Variants in UTRN observed in about 807,000 individuals in gnomAD.
UTRN encodes dystrophin-related protein 1.
Under a neutral mutation model 463.9 loss-of-function variants are expected in UTRN, and 283 were observed. The ratio of observed to expected loss-of-function variants is 0.61; its 90% CI spans 0.55 to 0.67. The LOEUF is 0.67. UTRN is among the 30% of genes least tolerant of loss of function. The pLI is 0.00. For missense variants in UTRN, 3,922 were observed against 4,084.3 expected (o/e 0.96, Z 1.08); for synonymous variants, 1,442 against 1,431.5 (o/e 1.01, Z -0.17).
At chr6:144,799,843 C>T (rs1189657166) in intron 64 of UTRN, among the ~76,000 whole-genome samples, 1 of 152,146 alleles carries the variant, frequency 6.6e-6, no homozygotes, top group Non-Finnish European at 1.5e-5. Flanking sequence ...AAATCCAGAA[C>T]CCTTTGGTTT....
intron 55 of UTRN, 151 bp downstream of exon 55, chr6:144,748,665 C>A: frequency 1.9e-6 from 2 of 1,033,548 alleles, no homozygotes; most frequent in Non-Finnish European, 1.4e-6. Context: ...AGGACAGGTG[C>A]TTTCCATATG....
Position 144,285,729 on chromosome 6 carries a change from G to T in UTRN, c.-185G>T, listed in dbSNP as rs1158494681. The stretch of plus-strand genomic sequence containing the variant: ...CAAACTAACACTCGCACACACCCCC[G>T]CGGTTACTCCGTGTCAAACTCCTAG... On this transcript the variant is annotated 5_prime_UTR_variant, in exon 1 of 75. Transcript: ENST00000367545. 6.6e-6 allele frequency: 1 copy of T among 151,678 alleles called. No homozygotes were observed. Among genetic ancestry groups the T allele is most frequent in the East Asian group, 1.9e-4 (1 of 5,150 alleles). 9.4% of individuals were successfully genotyped at this position (151,678 alleles called of 1,614,324 possible).
chr6:144,330,630 T>G lies in UTRN; in HGVS notation c.79+38723T>G, dbSNP rs367753373. Among the ~76,000 whole-genome samples the G allele has an allele frequency of 7.7e-4, 117 of 152,328 alleles. 4 individuals carry two copies. The South Asian group carries it at 0.022, about 29-fold the overall frequency. ...ACCAAGCAGTTTCAACAGTGGTGTT[T>G]GTAGAAATGCATACCTTGCTGTTCC... On this transcript the variant is annotated intron_variant, in intron 2 of 74. Coordinates refer to ENST00000367545, the MANE Select transcript of UTRN (RefSeq NM_007124.3).
rs1474224890 is a variant in UTRN, at chr6:144,648,288, G to A, written c.7480-30118G>A. On this transcript the variant is annotated intron_variant, in intron 51 of 74. Transcript: ENST00000367545. ...TATTTTTCAATTATAGTGCAAGGAC[G>A]AGCAGTTTACCCTAATATCCATTTC... is the stretch of plus-strand genomic sequence containing the variant. Among the ~76,000 whole-genome samples the A allele has an allele frequency of 2.6e-5, 4 of 152,234 alleles. No individual in the cohort carries two copies. The South Asian group carries it at 8.3e-4, about 32-fold the overall frequency.
At chr6:144,646,863 T>A (rs1419755811) in intron 51 of UTRN, among the ~76,000 whole-genome samples, 1 of 152,200 alleles carries the variant, frequency 6.6e-6, no homozygotes, top group Non-Finnish European at 1.5e-5. Flanking sequence ...CCTAATATTC[T>A]TATGTAAATG....
At chr6:144,709,012 A>G (rs1379442763) in intron 53 of UTRN, among the ~76,000 whole-genome samples, 1 of 152,168 alleles carries the variant, frequency 6.6e-6, no homozygotes, top group Non-Finnish European at 1.5e-5. Flanking sequence ...CCACTGTGAT[A>G]ATGACATTAG....
At chr6:144,364,100 G>A (rs1414948027) in intron 2 of UTRN, among the ~76,000 whole-genome samples, 5 of 152,160 alleles carry the variant, frequency 3.3e-5, no homozygotes, top group Non-Finnish European at 7.3e-5. Context: ...TGGTAGCCTG[G>A]GAATATCTGG....
intron 52 of UTRN, among the ~76,000 whole-genome samples, chr6:144,690,095 T>TGTGCGTGTGTG (rs1554339293): frequency 3.0e-5 from 1 of 33,456 alleles, no homozygotes; most frequent in African/African-American, 1.4e-4. Flanking sequence ...TTTTTTTTTT[T>TGTGCGTGTGTG]TGTGTGTGTG....
Position 144,542,790 on chromosome 6 carries a change from G to A in UTRN, c.6520-5G>A, listed in dbSNP as rs1461809999. On this transcript the variant is annotated splice_polypyrimidine_tract_variant and splice_region_variant and intron_variant, in intron 45 of 74. Coordinates refer to ENST00000367545, the MANE Select transcript of UTRN (RefSeq NM_007124.3). ...CTTCTCTTTCTGTTTGTCCTGATGC[G>A]GTAGATTTGCAGAGAGGTGCCTACC... 1 of 1,612,714 alleles carries A rather than the reference G, an allele frequency of 6.2e-7. No individual in the cohort carries two copies. Among genetic ancestry groups the A allele is most frequent in the Non-Finnish European group, 8.5e-7 (1 of 1,179,466 alleles).
intron 33 of UTRN, among the ~76,000 whole-genome samples, chr6:144,496,123 C>G (rs1472299218): frequency 6.6e-6 from 1 of 152,128 alleles, no homozygotes; most frequent in African/African-American, 2.4e-5. Flanking sequence ...AATTTTTGCC[C>G]TGAAACCAGG....
chr6:144,675,641 G>T (rs542746893), intron 51 of UTRN, among the ~76,000 whole-genome samples: 7 of 152,274 alleles, frequency 4.6e-5, no homozygotes, highest in Admixed American at 1.3e-4. Context: ...TAGAAGGATG[G>T]TATAATGTTG....
intron 2 of UTRN, among the ~76,000 whole-genome samples, chr6:144,314,245 G>A (rs1042631128): frequency 1.3e-5 from 2 of 152,178 alleles, no homozygotes; most frequent in African/African-American, 4.8e-5. Context: ...CAAGTCATAA[G>A]AATGTGCTTG....
rs192027126 is a variant in UTRN at position 144,490,401 on chromosome 6, T to C, written c.4263+202T>C. Reference sequence around the variant, plus strand: ...TGTGGAAAAATATGAAATCTGATTTTGATAGCTGAGATGAGAAACAAGAGA... The same window carrying C: ...TGTGGAAAAATATGAAATCTGATTTCGATAGCTGAGATGAGAAACAAGAGA... On this transcript the variant is annotated intron_variant, in intron 31 of 74. Transcript: ENST00000367545. Among the ~76,000 whole-genome samples the C allele has an allele frequency of 3.2e-4, 48 of 152,322 alleles. No individual in the cohort carries two copies. The East Asian group carries it at 6.6e-3, about 21-fold the overall frequency.
chr6:144,812,281 G>C (rs1444242626), intron 65 of UTRN, among the ~76,000 whole-genome samples: 1 of 152,038 alleles, frequency 6.6e-6, no homozygotes, highest in Non-Finnish European at 1.5e-5. Flanking sequence ...GCCGGTCTTT[G>C]GGGATAATAA....
chr6:144,531,262 A>G lies in UTRN; in HGVS notation c.6057+60A>G, dbSNP rs572179520. ...ATATGGTTAGTGTATGCCTGTTAAG[A>G]CAGATTTCAGAAGTAGGGACAAAAT... On this transcript the variant is annotated intron_variant, in intron 42 of 74. Transcript: ENST00000367545. 17 of 1,440,238 alleles carry G rather than the reference A, an allele frequency of 1.2e-5. No homozygotes were observed. The East Asian group carries it at 3.8e-4, about 32-fold the overall frequency. 89.2% of individuals were successfully genotyped at this position (1,440,238 alleles called of 1,614,324 possible).
intron 54 of UTRN, among the ~76,000 whole-genome samples, chr6:144,732,241 TATATATATATATATATACACAC>T (rs1329928770): frequency 0.012 from 298 of 23,894 alleles, no homozygotes; most frequent in Non-Finnish European, 0.022. Flanking sequence ...TATATATACA[TATATATATATATATATACACAC>T]ATATATATAT....
intron 51 of UTRN, among the ~76,000 whole-genome samples, chr6:144,607,551 A>C (rs1250430330): frequency 1.3e-5 from 2 of 152,186 alleles, no homozygotes; most frequent in African/African-American, 4.8e-5. Context: ...ATTTGCAAAA[A>C]GGACCATAGG....
At chr6:144,494,954 C>T (rs1214099681) in intron 33 of UTRN, among the ~76,000 whole-genome samples, 1 of 152,150 alleles carries the variant, frequency 6.6e-6, no homozygotes, top group Non-Finnish European at 1.5e-5. Flanking sequence ...CTGAGCTAGA[C>T]ACAGGGTGCT....
chr6:144,377,485 A>G (rs1161032695), intron 2 of UTRN, among the ~76,000 whole-genome samples: 2 of 152,256 alleles, frequency 1.3e-5, no homozygotes, highest in Non-Finnish European at 2.9e-5. Context: ...GATTACATAT[A>G]TATACATAAC....
Sources: allele counts gnomAD v4.1 joint callset (sites outside exome capture counted in the v4.1 genomes callset), GRCh38; gene constraint gnomAD v4.1.1; transcripts MANE v1.5; gene names NCBI Gene and HGNC (gene_info 2026-07-23, HGNC 2026-07-21).